PPM1L: variants seen among roughly 807,000 people sequenced by gnomAD.
PPM1L encodes protein phosphatase 1L.
A neutral mutation model predicts 31.4 loss-of-function variants in PPM1L; 13 were observed. The observed-to-expected ratio is 0.41, with a 90% CI of 0.27 to 0.66. The LOEUF is 0.66. PPM1L is among the 30% of genes least tolerant of loss of function. The pLI is 0.29. For synonymous variants in PPM1L, 184 were observed against 175.4 expected (o/e 1.05, Z -0.39); for missense variants, 326 against 453.7 (o/e 0.72, Z 2.56).
intron 2 of PPM1L, among the ~76,000 whole-genome samples, chr3:161,062,381 A>G (rs1719598838): frequency 6.6e-6 from 1 of 152,198 alleles, no homozygotes; most frequent in African/African-American, 2.4e-5. Context: ...CAGGCGGATC[A>G]CTTGAGGCCA....
At chr3:160,776,309 CTTTGTGTGTGTG>C (rs1447747772) in intron 1 of PPM1L, among the ~76,000 whole-genome samples, 1 of 151,944 alleles carries the variant, frequency 6.6e-6, no homozygotes, top group Admixed American at 6.6e-5. Context: ...ACAGAAGTTG[CTTTGTGTGTGTG>C]TTTGTGTGTG....
chr3:160,789,464 GAATAATGTAAAAT>G (rs765809585), intron 1 of PPM1L, among the ~76,000 whole-genome samples: 2 of 151,502 alleles, frequency 1.3e-5, no homozygotes, highest in African/African-American at 2.4e-5. Flanking sequence ...TGTGCTTTTT[GAATAATGTAAAAT>G]AATAATGGTG....
intron 2 of PPM1L, among the ~76,000 whole-genome samples, chr3:161,027,951 C>G (rs1224188726): frequency 6.6e-6 from 1 of 152,190 alleles, no homozygotes; most frequent in Non-Finnish European, 1.5e-5. Context: ...AACAGTAAAT[C>G]AAAGGTTATC....
At chr3:160,844,160 C>A (rs1713998324) in intron 1 of PPM1L, among the ~76,000 whole-genome samples, 1 of 152,206 alleles carries the variant, frequency 6.6e-6, no homozygotes, top group South Asian at 2.1e-4. Context: ...ACTACACATC[C>A]TTATTTGGAA....
intron 2 of PPM1L, among the ~76,000 whole-genome samples, chr3:161,010,307 T>C (rs368605769): frequency 2.2e-4 from 34 of 152,118 alleles, no homozygotes; most frequent in Non-Finnish European, 7.4e-5. Flanking sequence ...CCAGCTTCAT[T>C]CATGTCCCTA....
At chr3:160,987,620 C>T (rs554638718) in intron 2 of PPM1L, among the ~76,000 whole-genome samples, 34 of 152,252 alleles carry the variant, frequency 2.2e-4, no homozygotes, top group African/African-American at 7.2e-4. Flanking sequence ...TTCAAATTTT[C>T]GGAAACATGA....
intron 2 of PPM1L, among the ~76,000 whole-genome samples, chr3:161,049,123 C>T (rs1719182703): frequency 6.7e-6 from 1 of 148,528 alleles, no homozygotes. Context: ...CCAAAACATA[C>T]AAAAATTAGA....
chr3:160,785,406 T>C (rs1218717871), intron 1 of PPM1L, among the ~76,000 whole-genome samples: 2 of 152,208 alleles, frequency 1.3e-5, no homozygotes, highest in African/African-American at 4.8e-5. Flanking sequence ...GATGTATTAC[T>C]TTTTATAACT....
intron 2 of PPM1L, among the ~76,000 whole-genome samples, chr3:161,008,212 T>C (rs1177145330): frequency 6.6e-6 from 1 of 152,224 alleles, no homozygotes; most frequent in African/African-American, 2.4e-5. Context: ...TTATCTGACC[T>C]TTCTTGTTTG....
At chr3:160,803,434 C>T (rs1413333524) in intron 1 of PPM1L, among the ~76,000 whole-genome samples, 4 of 145,038 alleles carry the variant, frequency 2.8e-5, no homozygotes, top group African/African-American at 1.1e-4. Flanking sequence ...GTATGTCAGA[C>T]AAGTTTAGAT....
At chr3:160,803,332 A>G (rs17236655) in intron 1 of PPM1L, among the ~76,000 whole-genome samples, 5,087 of 152,354 alleles carry the variant, frequency 0.033, 111 homozygotes, top group South Asian at 0.052. Flanking sequence ...TTCTCTGAAT[A>G]ATAACCTCAG....
intron 2 of PPM1L, among the ~76,000 whole-genome samples, chr3:161,063,008 G>C (rs544821329): frequency 6.6e-6 from 1 of 152,268 alleles, no homozygotes; most frequent in Admixed American, 6.5e-5. Flanking sequence ...GAGTCCTATA[G>C]AGAGAGGACT....
intron 2 of PPM1L, among the ~76,000 whole-genome samples, chr3:160,998,566 G>T (rs1717394616): frequency 6.6e-6 from 1 of 152,148 alleles, no homozygotes; most frequent in East Asian, 1.9e-4. Context: ...CTTTCCTGAG[G>T]GAGATTTTTG....
chr3:160,809,168 A>T (rs1560112969), intron 1 of PPM1L, among the ~76,000 whole-genome samples: 2 of 151,278 alleles, frequency 1.3e-5, no homozygotes, highest in African/African-American at 2.4e-5. Context: ...GGCAAAATAT[A>T]TTTTTTTTTC....
chr3:160,995,656 G>A (rs1441908755), intron 2 of PPM1L, among the ~76,000 whole-genome samples: 1 of 152,086 alleles, frequency 6.6e-6, no homozygotes, highest in African/African-American at 2.4e-5. Context: ...AAGAGATGAT[G>A]GCATATTGAT....
At chr3:161,049,426 A>G (rs1245627623) in intron 2 of PPM1L, among the ~76,000 whole-genome samples, 3 of 152,242 alleles carry the variant, frequency 2.0e-5, no homozygotes, top group Non-Finnish European at 4.4e-5. Context: ...CCCAACCTGC[A>G]TAAACTTTAA....
intron 2 of PPM1L, among the ~76,000 whole-genome samples, chr3:160,994,700 A>C (rs1717249651): frequency 6.6e-6 from 1 of 152,206 alleles, no homozygotes; most frequent in Non-Finnish European, 1.5e-5. Flanking sequence ...TGAACAACTC[A>C]CACAAGATTC....
chr3:161,057,524 T>G (rs545344024), intron 2 of PPM1L, among the ~76,000 whole-genome samples: 7 of 152,184 alleles, frequency 4.6e-5, no homozygotes, highest in African/African-American at 1.7e-4. Context: ...GTTAATTTAA[T>G]AGAAAGCCCG....
chr3:161,058,118 C>CTTTTT (rs1186931971), intron 2 of PPM1L, among the ~76,000 whole-genome samples: 1,292 of 54,902 alleles, frequency 0.024, 204 homozygotes, highest in Middle Eastern at 0.033. Flanking sequence ...ATTTTCTTTC[C>CTTTTT]TTTTTTTTTT....
Sources: gnomAD v4.1 joint callset for allele counts (sites outside exome capture counted in the v4.1 genomes callset) on GRCh38, gnomAD v4.1.1 for gene constraint, MANE v1.5 for transcripts, NCBI Gene and HGNC (gene_info 2026-07-23, HGNC 2026-07-21) for gene names.